GPR160: variants seen among roughly 807,000 people sequenced by gnomAD.
GPR160 encodes the protein probable G protein-coupled receptor 160.
In GPR160, 2 loss-of-function variants were observed where a neutral mutation model predicts 2.6. That is an observed-to-expected ratio of 0.77 (90% CI 0.32 to 2.44). The LOEUF is 2.44. Ranked by LOEUF, GPR160 falls within the 30% of genes most tolerant of loss-of-function variation. GPR160 has a pLI of 0.11. For synonymous variants in GPR160, 130 were observed against 132.2 expected (o/e 0.98, Z 0.12); for missense variants, 351 against 383.6 (o/e 0.91, Z 0.71).
In GPR160 at chr3:170,084,103, G is replaced by A. The variant is rs770329836; in HGVS notation, c.131G>A (p.Gly44Glu). The A allele has an allele frequency of 6.5e-5, 104 of 1,594,374 alleles. No homozygotes were observed. The highest frequency in any genetic ancestry group is 8.1e-5 in the Non-Finnish European group (95 of 1,168,708). The part of the protein sequence containing the change: ...GKILLNILTL[G>E]MRRKNTCQNF... The stretch of plus-strand genomic sequence containing the variant: ...ATATTATTAAATATCCTTACACTAG[G>A]AATGAGAAGAAAAAACACCTGTCAA... Residue 44 changes from glycine (G) to glutamate (E), a missense_variant, in exon 4 of 4, where the codon GGA becomes GAA. By Grantham distance (98) the Gly-to-Glu change is moderately conservative (BLOSUM62 -2). Coordinates refer to ENST00000355897, the MANE Select transcript of GPR160 (RefSeq NM_014373.3).
intron 2 of GPR160, among the ~76,000 whole-genome samples, chr3:170,046,487 G>A (rs1716726550): frequency 1.3e-5 from 2 of 152,130 alleles, no homozygotes; most frequent in Non-Finnish European, 1.5e-5. Flanking sequence ...CAGGTCTTCT[G>A]GGCAGCCAGT....
intron 2 of GPR160, among the ~76,000 whole-genome samples, chr3:170,052,540 C>G (rs905551006): frequency 2.6e-5 from 4 of 152,148 alleles, no homozygotes; most frequent in Admixed American, 6.5e-5. Flanking sequence ...TTTGGAGTGT[C>G]TTTTTAAGTA....
intron 2 of GPR160, among the ~76,000 whole-genome samples, chr3:170,045,090 G>T (rs1014076551): frequency 6.6e-6 from 1 of 151,942 alleles, no homozygotes; most frequent in African/African-American, 2.4e-5. Flanking sequence ...TCCCATGTAC[G>T]TGTGCCGTGG....
intron 3 of GPR160, among the ~76,000 whole-genome samples, chr3:170,080,726 G>C (rs1713082732): frequency 6.6e-6 from 1 of 152,148 alleles, no homozygotes; most frequent in South Asian, 2.1e-4. Flanking sequence ...TTTTGCGACA[G>C]AGTGTCAATC....
At chr3:170,050,901 T>A (rs1716930683) in intron 2 of GPR160, among the ~76,000 whole-genome samples, 1 of 152,250 alleles carries the variant, frequency 6.6e-6, no homozygotes, top group Admixed American at 6.5e-5. Context: ...TTATGAATAA[T>A]GTTGCTATAA....
intron 2 of GPR160, among the ~76,000 whole-genome samples, chr3:170,042,862 G>A (rs1018464734): frequency 7.1e-6 from 1 of 141,264 alleles, no homozygotes; most frequent in Non-Finnish European, 1.5e-5. Flanking sequence ...ATTCATGGTA[G>A]TCTTCTGGTA....
At chr3:170,047,252 G>T (rs992638835) in intron 2 of GPR160, among the ~76,000 whole-genome samples, 4 of 151,988 alleles carry the variant, frequency 2.6e-5, no homozygotes, top group Non-Finnish European at 5.9e-5. Context: ...CACCCTCACC[G>T]CATCCCCCCA....
rs1225615379 is a variant in GPR160, at chr3:170,047,835, C to CTTTT, written c.-193+8809_-193+8812dup. On this transcript the variant is annotated intron_variant, in intron 2 of 3. Transcript: ENST00000355897. ...TTGGATGGAACTGAAGGACATTATTCTTTTTTTTTTTTTTTTTTTTGAGAT... is the reference window on the plus strand; with the variant it reads ...TTGGATGGAACTGAAGGACATTATTCTTTTTTTTTTTTTTTTTTTTTTTTGAGAT... 7.8e-4 allele frequency among the ~76,000 whole-genome samples: 97 copies of CTTTT among 125,076 alleles called. 4 individuals carry two copies. Among genetic ancestry groups the CTTTT allele is most frequent in the African/African-American group, 2.9e-3 (91 of 31,458 alleles). The allele number at this position is 125,076 out of a possible 152,430, so 82.1% of individuals were successfully genotyped here.
chr3:170,044,741 C>G (rs1430253775), intron 2 of GPR160, among the ~76,000 whole-genome samples: 1 of 152,162 alleles, frequency 6.6e-6, no homozygotes, highest in African/African-American at 2.4e-5. Flanking sequence ...AGCTGGACCC[C>G]AGCCACTCTG....
intron 3 of GPR160, among the ~76,000 whole-genome samples, chr3:170,082,210 G>A (rs1338256789): frequency 7.2e-5 from 11 of 152,142 alleles, no homozygotes; most frequent in Admixed American, 7.2e-4. Flanking sequence ...TACATGACAT[G>A]TTGCTGCATA....
intron 3 of GPR160, 64 bp downstream of exon 3, chr3:170,079,961 G>A (rs1713042289): frequency 6.6e-6 from 1 of 152,182 alleles, no homozygotes; most frequent in Non-Finnish European, 1.5e-5. Flanking sequence ...CTGGGTCAGT[G>A]AAACGAAATC....
intron 2 of GPR160, among the ~76,000 whole-genome samples, chr3:170,064,107 G>A (rs1479930169): frequency 1.3e-5 from 2 of 152,060 alleles, no homozygotes; most frequent in Non-Finnish European, 2.9e-5. Context: ...TTTGGGGGGG[G>A]CATTGCTTTT....
chr3:170,066,276 G>A (rs964328380), intron 2 of GPR160, among the ~76,000 whole-genome samples: 2 of 151,174 alleles, frequency 1.3e-5, no homozygotes, highest in Non-Finnish European at 2.9e-5. Flanking sequence ...GAGTAGCTGG[G>A]ACTACAGGCG....
chr3:170,080,816 T>C (rs1196750194), intron 3 of GPR160, among the ~76,000 whole-genome samples: 1 of 152,186 alleles, frequency 6.6e-6, no homozygotes, highest in African/African-American at 2.4e-5. Context: ...TCCTCCCACC[T>C]CTGCCTCCCA....
intron 2 of GPR160, among the ~76,000 whole-genome samples, chr3:170,053,509 T>C (rs1339307061): frequency 6.6e-6 from 1 of 152,202 alleles, no homozygotes; most frequent in African/African-American, 2.4e-5. Context: ...TGTAAGTACC[T>C]TAGGATTATC....
rs1004391605 is a variant in GPR160 at position 170,065,130 on chromosome 3, A to G, written c.-192-14644A>G. 2.0e-5 allele frequency among the ~76,000 whole-genome samples: 3 copies of G among 152,262 alleles called. 1 individual carries two copies. The highest frequency in any genetic ancestry group is 2.0e-4 in the Admixed American group (3 of 15,290). The stretch of plus-strand genomic sequence containing the variant: ...ATAAACTTGAAAATTATTTGTCATC[A>G]TAAAGTTGAAACAAAAATTATTTTA... On this transcript the variant is annotated intron_variant, in intron 2 of 3. Transcript: ENST00000355897.
intron 2 of GPR160, among the ~76,000 whole-genome samples, chr3:170,066,299 C>A (rs1456200263): frequency 6.6e-6 from 1 of 151,684 alleles, no homozygotes; most frequent in Non-Finnish European, 1.5e-5. Context: ...CATCACCACG[C>A]CCGGCTAATT....
chr3:170,083,058 T>C (rs1015875646), intron 3 of GPR160, among the ~76,000 whole-genome samples: 5 of 152,054 alleles, frequency 3.3e-5, no homozygotes, highest in Non-Finnish European at 7.4e-5. Context: ...TAAGTTAAGT[T>C]TGGGTCAACT....
In GPR160 at chr3:170,084,937, C is replaced by CAAT. The variant is rs767199943; in HGVS notation, c.966_968dup (p.Ile323dup). The CAAT allele has an allele frequency of 6.3e-7, 1 of 1,596,462 alleles. No homozygotes were observed. The highest frequency in any genetic ancestry group is 8.5e-7 in the Non-Finnish European group (1 of 1,170,196). On this transcript the variant is annotated inframe_insertion, in exon 4 of 4. Transcript: ENST00000355897. ...TGGAAGTGCTGCTTCATTCCACTTA[C>CAAT]AATTCCTAATCTTGAGCAAATTGAA...
Sources: gnomAD v4.1 joint callset for allele counts (sites outside exome capture counted in the v4.1 genomes callset) on GRCh38, gnomAD v4.1.1 for gene constraint, MANE v1.5 for transcripts, NCBI Gene and HGNC (gene_info 2026-07-23, HGNC 2026-07-21) for gene names.